CTNNA3: variants seen among roughly 807,000 people sequenced by gnomAD.
The protein encoded by CTNNA3 is catenin alpha-3.
A neutral mutation model predicts 95.7 loss-of-function variants in CTNNA3; 76 were observed. That is an observed-to-expected ratio of 0.79 (90% confidence interval 0.66 to 0.96). CTNNA3 has a LOEUF of 0.96. Among genes scored for constraint, CTNNA3 ranks in the 40% least tolerant of loss-of-function variants. CTNNA3 has a pLI of 0.00. For missense variants in CTNNA3, 1,191 were observed against 1,089.8 expected (o/e 1.09, Z -1.31); for synonymous variants, 431 against 374.4 (o/e 1.15, Z -1.74).
intron 10 of CTNNA3, among the ~76,000 whole-genome samples, chr10:66,532,360 G>A (rs1163087251): frequency 3.3e-5 from 5 of 152,028 alleles, no homozygotes; most frequent in African/African-American, 1.2e-4. Context: ...TACTGGGGAG[G>A]CTGAGGCAGG....
chr10:66,593,681 C>T (rs1311873998), intron 10 of CTNNA3, among the ~76,000 whole-genome samples: 1 of 152,042 alleles, frequency 6.6e-6, no homozygotes, highest in Non-Finnish European at 1.5e-5. Context: ...CTGTTTGTGA[C>T]CAAAATCCAA....
chr10:66,978,363 T>C lies in CTNNA3; in HGVS notation c.1047+201954A>G, dbSNP rs185718276. Among the ~76,000 whole-genome samples, 835 of 150,960 alleles carry C rather than the reference T, an allele frequency of 5.5e-3. 10 individuals are homozygous for C. The highest frequency in any genetic ancestry group is 0.019 in the African/African-American group (790 of 41,134). On this transcript the variant is annotated intron_variant, in intron 7 of 17. Transcript: ENST00000433211. ...CAACATGGCAAAACCCTGTCTCTAC[T>C]AAAAATACAAAAAACTAGCTGGGCG...
intron 13 of CTNNA3, among the ~76,000 whole-genome samples, chr10:66,158,997 T>C (rs1475474746): frequency 6.6e-6 from 1 of 152,114 alleles, no homozygotes; most frequent in Non-Finnish European, 1.5e-5. Context: ...CTGATTTGTG[T>C]ACATTAATCT....
In CTNNA3 at chr10:66,852,402, A is replaced by C. The variant is rs185102120; in HGVS notation, c.1048-76878T>G. Among the ~76,000 whole-genome samples, 365 of 152,284 alleles carry C rather than the reference A, an allele frequency of 2.4e-3. 2 individuals are homozygous for C. Among genetic ancestry groups the C allele is most frequent in the African/African-American group, 8.2e-3 (340 of 41,564 alleles). On this transcript the variant is annotated intron_variant, in intron 7 of 17. Transcript: ENST00000433211. ...GACTATTAGGTCTTTGTGAAGTACAAATCTAAAAGAAAGCAATATATACTT... is the reference window on the plus strand; with the variant it reads ...GACTATTAGGTCTTTGTGAAGTACACATCTAAAAGAAAGCAATATATACTT...
chr10:66,558,349 A>G (rs915142223), intron 10 of CTNNA3, among the ~76,000 whole-genome samples: 4 of 151,826 alleles, frequency 2.6e-5, no homozygotes, highest in African/African-American at 9.7e-5. Flanking sequence ...TTTCTTTCCT[A>G]CTCTTGCCAA....
At chr10:66,374,163 TAAAG>T (rs1589156092) in intron 12 of CTNNA3, among the ~76,000 whole-genome samples, 2 of 152,106 alleles carry the variant, frequency 1.3e-5, no homozygotes, top group African/African-American at 2.4e-5. Flanking sequence ...AAAATAAAAA[TAAAG>T]AAAGTGTGGT....
chr10:67,351,351 T>C (rs1243910597), intron 5 of CTNNA3, among the ~76,000 whole-genome samples: 6 of 148,654 alleles, frequency 4.0e-5, no homozygotes, highest in African/African-American at 1.5e-4. Flanking sequence ...AAGTCAATTT[T>C]ACTGTATATG....
In CTNNA3 at chr10:67,657,701, G is replaced by A. The variant is rs555609958; in HGVS notation, c.-5-10183C>T. ...TCTCTAATAAAAATTTAAAATATTAGCCGGGAATTGTGGTGGGCGCCTGTA... is the reference window on the plus strand; with the variant it reads ...TCTCTAATAAAAATTTAAAATATTAACCGGGAATTGTGGTGGGCGCCTGTA... On this transcript the variant is annotated intron_variant, in intron 1 of 17. Transcript: ENST00000433211. 3.3e-5 allele frequency among the ~76,000 whole-genome samples: 5 copies of A among 151,850 alleles called. No homozygotes were observed. The East Asian group carries it at 9.7e-4, about 29-fold the overall frequency.
chr10:67,418,636 T>C (rs1845628192), intron 5 of CTNNA3, among the ~76,000 whole-genome samples: 1 of 151,982 alleles, frequency 6.6e-6, no homozygotes, highest in Non-Finnish European at 1.5e-5. Flanking sequence ...ATGTAGAATC[T>C]AAAAAAAGTT....
rs1843193584 is a variant in CTNNA3 at position 67,604,415 on chromosome 10, A to G, written c.292+2442T>C. ...AAGTTTGAACTTTATTGAAAAAGAT[A>G]GTCCCCCTGATCCTCCAACAGCTAC... On this transcript the variant is annotated intron_variant, in intron 3 of 17. Transcript: ENST00000433211. Among the ~76,000 whole-genome samples the G allele has an allele frequency of 2.0e-5, 3 of 152,224 alleles. 1 individual carries two copies. The highest frequency in any genetic ancestry group is 2.0e-4 in the Admixed American group (3 of 15,278).
At chr10:67,296,319 C>T (rs1386144430) in intron 5 of CTNNA3, among the ~76,000 whole-genome samples, 1 of 152,128 alleles carries the variant, frequency 6.6e-6, no homozygotes, top group African/African-American at 2.4e-5. Flanking sequence ...AGAGGTCAGA[C>T]CATCATTCTA....
chr10:67,450,998 G>T (rs1304005902), intron 5 of CTNNA3, among the ~76,000 whole-genome samples: 1 of 152,056 alleles, frequency 6.6e-6, no homozygotes, highest in Non-Finnish European at 1.5e-5. Flanking sequence ...AACTGCCATT[G>T]TAACAGTATT....
chr10:67,635,754 C>T (rs766480136), intron 2 of CTNNA3, among the ~76,000 whole-genome samples: 3 of 152,094 alleles, frequency 2.0e-5, no homozygotes, highest in Non-Finnish European at 4.4e-5. Context: ...TGAAAACGCA[C>T]AAGACAAGGA....
intron 7 of CTNNA3, among the ~76,000 whole-genome samples, chr10:67,156,066 C>T (rs1861298146): frequency 1.3e-5 from 2 of 151,986 alleles, no homozygotes; most frequent in Admixed American, 6.6e-5. Context: ...TCTGGGTTAT[C>T]CAATTTGTTA....
chr10:67,052,778 A>C (rs190209893), intron 7 of CTNNA3: 1 of 152,322 alleles, frequency 6.6e-6, no homozygotes, highest in African/African-American at 2.4e-5. Flanking sequence ...AAACAAACAA[A>C]GTTTACAAAT....
At chr10:66,540,968 A>T (rs1911306) in intron 10 of CTNNA3, among the ~76,000 whole-genome samples, 150,108 of 152,218 alleles carry the variant, frequency 0.99, 74,041 homozygotes, top group Middle Eastern at 1. Flanking sequence ...CATATCCACT[A>T]TAAAAAAAGT....
chr10:67,741,232 C>T (rs1333741231), intron 1 of CTNNA3, among the ~76,000 whole-genome samples: 5 of 149,434 alleles, frequency 3.3e-5, no homozygotes, highest in African/African-American at 4.9e-5. Flanking sequence ...GTGGGTGCAG[C>T]GCACCAGCAT....
At chr10:67,723,904 A>T (rs1841193772) in intron 1 of CTNNA3, among the ~76,000 whole-genome samples, 1 of 152,110 alleles carries the variant, frequency 6.6e-6, no homozygotes, top group Non-Finnish European at 1.5e-5. Flanking sequence ...ATGCATATCC[A>T]TCGAAGTTCA....
chr10:65,926,469 T>C (rs1476340271), intron 17 of CTNNA3, among the ~76,000 whole-genome samples: 1 of 148,426 alleles, frequency 6.7e-6, no homozygotes, highest in Non-Finnish European at 1.5e-5. Flanking sequence ...AATATATGAG[T>C]GTTCCAATTT....
Sources: gnomAD v4.1 joint callset for allele counts (sites outside exome capture counted in the v4.1 genomes callset) on GRCh38, gnomAD v4.1.1 for gene constraint, MANE v1.5 for transcripts, NCBI Gene and HGNC (gene_info 2026-07-23, HGNC 2026-07-21) for gene names.